SAMD14: variants seen among roughly 807,000 people sequenced by gnomAD.
SAMD14 encodes the protein sterile alpha motif domain-containing protein 14.
A neutral mutation model predicts 46.2 loss-of-function variants in SAMD14; 27 were observed. The observed-to-expected ratio is 0.58, with a 90% CI of 0.43 to 0.81. The LOEUF (loss-of-function observed/expected upper bound fraction) is 0.81. Among genes scored for constraint, SAMD14 ranks in the 30% least tolerant of loss-of-function variants. The pLI, the probability that SAMD14 is intolerant of heterozygous loss-of-function variation, is 0.00. For synonymous variants in SAMD14, 241 were observed against 254.3 expected, an observed-to-expected ratio of 0.95 and a Z score of 0.50; for missense variants, 559 against 582.2, an observed-to-expected ratio of 0.96 and a Z score of 0.41.
At chr17:50,116,119 C>A in intron 4 of SAMD14, 29 bp from the exon 5 acceptor site, 1 of 1,596,968 alleles carries the variant, frequency 6.3e-7, no homozygotes, top group Non-Finnish European at 8.6e-7. Context: ...AAGGAAACTG[C>A]CTGTTTGCTG....
At chr17:50,126,982 C>T (rs1911806862) in intron 1 of SAMD14, among the ~76,000 whole-genome samples, 1 of 151,818 alleles carries the variant, frequency 6.6e-6, no homozygotes, top group Non-Finnish European at 1.5e-5. Flanking sequence ...CACCTGTAAT[C>T]CCAGCTACTC....
At chr17:50,122,688 G>A (rs768955158) in intron 2 of SAMD14, among the ~76,000 whole-genome samples, 1 of 152,170 alleles carries the variant, frequency 6.6e-6, no homozygotes, top group Non-Finnish European at 1.5e-5. Context: ...AAGACGGGGA[G>A]ACTGGGAGGC....
Position 50,117,670 on chromosome 17 carries a change from A to G in SAMD14, c.236T>C (p.Leu79Pro). The change falls in exon 4 of 10, where the codon CTG (leucine) becomes CCG (proline). Residue 79 changes from leucine to proline, a missense_variant. Transcript: ENST00000330175. ...GKVTDGCGSP[L>P]HRLRSPLHSG... ...GTGCAAAGGCGAGCGCAGCCGGTGC[A>G]GGGGGCTCCCGCAGCCATCGGTCAC... is the stretch of plus-strand genomic sequence containing the variant. The G allele has an allele frequency of 1.3e-6, 2 of 1,502,866 alleles. No homozygotes were observed. Among genetic ancestry groups the G allele is most frequent in the Non-Finnish European group, 1.8e-6 (2 of 1,135,316 alleles). 93.1% of individuals were successfully genotyped at this position (1,502,866 alleles called of 1,614,324 possible). A position where few individuals can be genotyped will look rare whatever the true frequency, so the allele number is the denominator to read the frequency against.
intron 2 of SAMD14, among the ~76,000 whole-genome samples, chr17:50,120,055 G>C (rs1911427658): frequency 6.6e-6 from 1 of 152,182 alleles, no homozygotes; most frequent in Non-Finnish European, 1.5e-5. Flanking sequence ...GGGATATGAT[G>C]TTTTGGACTA....
rs1335197423 is a variant in SAMD14, at chr17:50,110,049, T to C, written c.*2844A>G. On this transcript the variant is annotated 3_prime_UTR_variant, in exon 10 of 10. Coordinates refer to ENST00000330175, the MANE Select transcript of SAMD14 (RefSeq NM_001257359.2). ...CCATCCAGGAGGCCGGCGACTGGTG[T>C]GTGCCCAGCACGGAGCCCAAGAACA... 1.9e-6 allele frequency: 3 copies of C among 1,611,132 alleles called. No individual in the cohort carries two copies. Among genetic ancestry groups the C allele is most frequent in the Non-Finnish European group, 2.5e-6 (3 of 1,178,970 alleles).
At chr17:50,122,004 C>T (rs990299483) in intron 2 of SAMD14, among the ~76,000 whole-genome samples, 9 of 152,198 alleles carry the variant, frequency 5.9e-5, no homozygotes, top group Admixed American at 1.3e-4. Flanking sequence ...TGACTTAGTA[C>T]GAGCTCAACA....
chr17:50,113,135 T>TGG (rs1910956577), intron 9 of SAMD14, 87 bp from the exon 10 acceptor site: 4 of 1,490,262 alleles, frequency 2.7e-6, no homozygotes, highest in Admixed American at 2.0e-5. Context: ...GCCCCAGGTG[T>TGG]ACTCTGTGGA....
At chr17:50,113,233 G>A (rs746268813) in intron 9 of SAMD14, 185 bp from the exon 10 acceptor site, 17 of 645,352 alleles carry the variant, frequency 2.6e-5, no homozygotes, top group Non-Finnish European at 4.4e-5. Context: ...AATTTGGAAT[G>A]AGTGTGGTTG....
At position 50,114,180 on chromosome 17, in the gene SAMD14, T is replaced by C. The variant is rs1442890016; in HGVS notation, c.942+7A>G. The C allele has an allele frequency of 1.9e-6, 3 of 1,614,134 alleles. No homozygotes were observed. The highest frequency in any genetic ancestry group is 2.5e-6 in the Non-Finnish European group (3 of 1,180,018). On this transcript the variant is annotated splice_region_variant and intron_variant, in intron 8 of 9. Coordinates refer to ENST00000330175, the MANE Select transcript of SAMD14 (RefSeq NM_001257359.2). ...CTCCGTGGGCACCCTGGGCCAGCCT[T>C]GCTCACCTCATCTGAAGACTGAGAC...
intron 2 of SAMD14, among the ~76,000 whole-genome samples, chr17:50,120,877 C>T (rs2144407221): frequency 6.6e-6 from 1 of 152,326 alleles, no homozygotes; most frequent in South Asian, 2.1e-4. Flanking sequence ...TAATAGCCCC[C>T]CCACTCCAAA....
rs1910816496 is a variant in SAMD14, at chr17:50,111,147, C to T, written c.*1746G>A. 1 of 152,326 alleles carries T rather than the reference C, an allele frequency of 6.6e-6. No individual in the cohort carries two copies. Among genetic ancestry groups the T allele is most frequent in the African/African-American group, 2.4e-5 (1 of 41,458 alleles). The allele number at this position is 152,326 out of a possible 1,614,324, so 9.4% of individuals were successfully genotyped here. On this transcript the variant is annotated 3_prime_UTR_variant, in exon 10 of 10. Transcript: ENST00000330175. ...GGTGCCCTGTGACCACCACATGACGCACCGGGGACGTCCGGCCCAGCTCAG... is the reference window on the plus strand; with the variant it reads ...GGTGCCCTGTGACCACCACATGACGTACCGGGGACGTCCGGCCCAGCTCAG...
intron 2 of SAMD14, among the ~76,000 whole-genome samples, chr17:50,119,171 G>C (rs1911386803): frequency 6.6e-6 from 1 of 152,204 alleles, no homozygotes; most frequent in African/African-American, 2.4e-5. Flanking sequence ...TTCTGTCCTG[G>C]GTCTGTGGCC....
At chr17:50,116,556 C>A (rs1911219938) in intron 4 of SAMD14, among the ~76,000 whole-genome samples, 1 of 152,014 alleles carries the variant, frequency 6.6e-6, no homozygotes, top group Non-Finnish European at 1.5e-5. Context: ...CAGGCGCCCG[C>A]CACCACACCC....
intron 7 of SAMD14, 112 bp from the exon 8 acceptor site, chr17:50,114,418 T>C (rs775093053): frequency 6.2e-7 from 1 of 1,613,798 alleles, no homozygotes; most frequent in Non-Finnish European, 8.5e-7. Flanking sequence ...CAGTGCCTCC[T>C]GTGCATGAGC....
intron 9 of SAMD14, chr17:50,113,698 C>T (rs1201343897): frequency 3.5e-6 from 2 of 573,304 alleles, no homozygotes; most frequent in East Asian, 6.0e-5. Context: ...ACACTGAAGT[C>T]ATGGACTAGA....
At chr17:50,126,494 A>G (rs568235905) in intron 1 of SAMD14, among the ~76,000 whole-genome samples, 154 of 151,900 alleles carry the variant, frequency 1.0e-3, no homozygotes, top group African/African-American at 3.6e-3. Context: ...TTTAGTAGAG[A>G]CAGGGTTTCA....
intron 1 of SAMD14, among the ~76,000 whole-genome samples, chr17:50,127,310 A>G (rs1274092276): frequency 6.6e-6 from 1 of 151,918 alleles, no homozygotes; most frequent in East Asian, 1.9e-4. Flanking sequence ...GAAGCATCAA[A>G]ACCACCTCTA....
intron 1 of SAMD14, among the ~76,000 whole-genome samples, chr17:50,128,578 C>G (rs985771355): frequency 1.5e-4 from 23 of 152,106 alleles, no homozygotes; most frequent in Admixed American, 1.4e-3. Flanking sequence ...ACCCTTCCCC[C>G]CAAGGCTTCC....
Position 50,118,169 on chromosome 17 carries a change from C to CG in SAMD14, c.201dup (p.Gly68ArgfsTer101). On this transcript the variant is annotated frameshift_variant, in exon 3 of 10. Coordinates refer to ENST00000330175, the MANE Select transcript of SAMD14 (RefSeq NM_001257359.2). LOFTEE classifies it high-confidence loss of function. ...TCCTAACTTGCCCCAACCTTGCCTC[C>CG]GGGCCCATCCGAGCCTTCACCATCC... The CG allele has an allele frequency of 6.3e-7, 1 of 1,597,082 alleles. No homozygotes were observed. The highest frequency in any genetic ancestry group is 8.6e-7 in the Non-Finnish European group (1 of 1,169,306).
Sources: gnomAD v4.1 joint callset for allele counts (sites outside exome capture counted in the v4.1 genomes callset) on GRCh38, gnomAD v4.1.1 for gene constraint, MANE v1.5 for transcripts, NCBI Gene and HGNC (gene_info 2026-07-23, HGNC 2026-07-21) for gene names.